The following FRMD4A variants were observed in gnomAD, a reference collection of about 807,000 sequenced individuals.
The protein encoded by FRMD4A is FERM domain-containing protein 4A.
A neutral mutation model predicts 129.1 loss-of-function variants in FRMD4A; 29 were observed. The ratio of observed to expected loss-of-function variants is 0.22; its 90% CI spans 0.17 to 0.31. The LOEUF is 0.31. Ranked by LOEUF, FRMD4A falls within the 10% of genes least tolerant of loss-of-function variation. The pLI is 1.00. For synonymous variants in FRMD4A, 634 were observed against 571.6 expected (o/e 1.11, Z -1.56); for missense variants, 1,272 against 1,375.8 (o/e 0.92, Z 1.19).
intron 2 of FRMD4A, among the ~76,000 whole-genome samples, chr10:14,057,770 A>G (rs1266972754): frequency 2.6e-5 from 4 of 152,112 alleles, no homozygotes; most frequent in South Asian, 2.1e-4. Flanking sequence ...GGGTTTCACC[A>G]TGTTGGTCAG....
rs560147053 is a variant in FRMD4A, at chr10:13,659,732, T to C, written c.1899-242A>G. Among the ~76,000 whole-genome samples, 13 of 151,736 alleles carry C rather than the reference T, an allele frequency of 8.6e-5. No individual in the cohort carries two copies. In the South Asian group the frequency reaches 2.7e-3, roughly 32 times the overall value. Reference sequence around the variant, plus strand: ...TCAGCCTTCTCTGTGTCAGGCAGTGTGACGGTCCTGCCCTTACAGTTTTTG... The same window carrying C: ...TCAGCCTTCTCTGTGTCAGGCAGTGCGACGGTCCTGCCCTTACAGTTTTTG... On this transcript the variant is annotated intron_variant, in intron 20 of 24. Coordinates refer to ENST00000357447, the MANE Select transcript of FRMD4A (RefSeq NM_018027.5).
chr10:13,847,090 G>A (rs1004311400), intron 3 of FRMD4A, among the ~76,000 whole-genome samples: 2 of 152,184 alleles, frequency 1.3e-5, no homozygotes, highest in Non-Finnish European at 2.9e-5. Flanking sequence ...TCTAAAGCCT[G>A]GCCAATTTGG....
intron 15 of FRMD4A, chr10:13,693,599 T>C (rs2085926929): frequency 5.2e-6 from 5 of 952,738 alleles, no homozygotes; most frequent in South Asian, 5.1e-5. Context: ...CAGCTTGCCA[T>C]GGGGATTGTG....
intron 2 of FRMD4A, chr10:14,008,587 C>T: frequency 1.2e-6 from 1 of 808,794 alleles, no homozygotes; most frequent in Non-Finnish European, 1.5e-6. Flanking sequence ...TTATTCATTC[C>T]ATCACGTGAC....
chr10:14,111,958 G>A (rs931135961), intron 2 of FRMD4A, among the ~76,000 whole-genome samples: 1 of 135,188 alleles, frequency 7.4e-6, no homozygotes, highest in Non-Finnish European at 1.6e-5. Flanking sequence ...GGAGGGAGAG[G>A]AGGGGAGGGG....
At chr10:14,269,372 G>C (rs1030330364) in intron 2 of FRMD4A, among the ~76,000 whole-genome samples, 1 of 152,132 alleles carries the variant, frequency 6.6e-6, no homozygotes, top group Admixed American at 6.5e-5. Context: ...TTATGTTATG[G>C]TTCTGCAGTT....
chr10:14,098,496 C>T (rs1414328720), intron 2 of FRMD4A, among the ~76,000 whole-genome samples: 2 of 152,038 alleles, frequency 1.3e-5, no homozygotes, highest in South Asian at 2.1e-4. Context: ...CTCCGCTTCC[C>T]GGGTTCACGC....
chr10:14,226,455 A>G (rs1843439388), intron 2 of FRMD4A, among the ~76,000 whole-genome samples: 1 of 152,248 alleles, frequency 6.6e-6, no homozygotes, highest in Admixed American at 6.5e-5. Flanking sequence ...TGCTTAAACT[A>G]TAGAAATGTA....
intron 2 of FRMD4A, among the ~76,000 whole-genome samples, chr10:13,907,932 G>A (rs373521055): frequency 1.3e-5 from 2 of 150,902 alleles, no homozygotes; most frequent in South Asian, 2.1e-4. Flanking sequence ...TTGGGAGGCC[G>A]AGGCAGGCGG....
intron 2 of FRMD4A, among the ~76,000 whole-genome samples, chr10:14,161,109 C>T (rs1156502940): frequency 1.3e-5 from 2 of 152,176 alleles, no homozygotes; most frequent in Non-Finnish European, 2.9e-5. Flanking sequence ...CACCTGCCAC[C>T]ACACCTGGAT....
chr10:13,868,732 G>A (rs2094404584), intron 2 of FRMD4A, among the ~76,000 whole-genome samples: 1 of 152,212 alleles, frequency 6.6e-6, no homozygotes, highest in Admixed American at 6.5e-5. Context: ...CCAAGAGGCA[G>A]AAGTTGCAGT....
intron 2 of FRMD4A, among the ~76,000 whole-genome samples, chr10:14,273,367 G>GC (rs1845230651): frequency 6.6e-6 from 1 of 152,112 alleles, no homozygotes; most frequent in African/African-American, 2.4e-5. Flanking sequence ...AAGTAGGGAC[G>GC]CCCCTTTATT....
intron 3 of FRMD4A, among the ~76,000 whole-genome samples, chr10:13,830,284 C>G (rs1229790487): frequency 6.6e-6 from 1 of 152,226 alleles, no homozygotes; most frequent in Admixed American, 6.5e-5. Flanking sequence ...ATCCAGGTCA[C>G]AGGCACAAAA....
At chr10:13,686,684 A>G (rs2085116890) in intron 15 of FRMD4A, among the ~76,000 whole-genome samples, 2 of 152,254 alleles carry the variant, frequency 1.3e-5, no homozygotes, top group South Asian at 4.1e-4. Flanking sequence ...CTTGCTGATC[A>G]CACTGCAGAT....
chr10:14,093,102 G>T (rs753618632), intron 2 of FRMD4A, among the ~76,000 whole-genome samples: 1 of 152,150 alleles, frequency 6.6e-6, no homozygotes, highest in Non-Finnish European at 1.5e-5. Flanking sequence ...AGAGAGGGGA[G>T]GTACAGAGGC....
At chr10:13,986,132 C>T (rs551725338) in intron 2 of FRMD4A, among the ~76,000 whole-genome samples, 80 of 152,264 alleles carry the variant, frequency 5.3e-4, no homozygotes, top group African/African-American at 1.8e-3. Context: ...CTGGGTCCTC[C>T]CTTCCTGTGG....
At chr10:13,857,607 T>C (rs2094231138) in intron 3 of FRMD4A, among the ~76,000 whole-genome samples, 1 of 152,136 alleles carries the variant, frequency 6.6e-6, no homozygotes, top group Non-Finnish European at 1.5e-5. Flanking sequence ...AAGCAGCATG[T>C]ACAAGGCAAC....
rs538099379 is a variant in FRMD4A at position 13,812,132 on chromosome 10, C to T, written c.112-1224G>A. ...TCTTGACCTCGTGATCTGCCTGCCT[C>T]GGCCTCCCAGTGTTGGGATTACAGG... On this transcript the variant is annotated intron_variant, in intron 3 of 24. Transcript: ENST00000357447. Among the ~76,000 whole-genome samples the T allele has an allele frequency of 4.0e-4, 61 of 152,282 alleles. No homozygotes were observed. In the South Asian group the frequency reaches 0.01, roughly 25 times the overall value.
chr10:14,271,761 A>G (rs1160355437), intron 2 of FRMD4A, among the ~76,000 whole-genome samples: 1 of 152,220 alleles, frequency 6.6e-6, no homozygotes, highest in Non-Finnish European at 1.5e-5. Flanking sequence ...CTCACTGGGA[A>G]GTCAGGGAAG....
Sources: gnomAD v4.1 joint callset for allele counts (sites outside exome capture counted in the v4.1 genomes callset) on GRCh38, gnomAD v4.1.1 for gene constraint, MANE v1.5 for transcripts, NCBI Gene and HGNC (gene_info 2026-07-23, HGNC 2026-07-21) for gene names.